Variants in AGBL1 observed in about 807,000 individuals in gnomAD.
AGBL1 encodes AGBL carboxypeptidase 1, also known as cytosolic carboxypeptidase 4.
AGBL1 carries 130 observed loss-of-function variants against 118.9 expected under a neutral mutation model. That is an observed-to-expected ratio of 1.09 (90% CI 0.95 to 1.26). The LOEUF (loss-of-function observed/expected upper bound fraction) is 1.26. AGBL1 is among the 50% of genes most tolerant of loss of function. AGBL1 has a pLI of 0.00. For missense variants in AGBL1, 1,584 were observed against 1,298.1 expected, an observed-to-expected ratio of 1.22 and a Z score of -3.38; for synonymous variants, 555 against 478.9, an observed-to-expected ratio of 1.16 and a Z score of -2.08.
chr15:86,489,791 T>A lies in AGBL1; in HGVS notation c.2556-33019T>A, dbSNP rs1398282086. On this transcript the variant is annotated intron_variant, in intron 18 of 22. Coordinates refer to ENST00000614907, the MANE Select transcript of AGBL1 (RefSeq NM_001386094.1). ...AAAGTTTGCTGACCTCTGGTCTAGATGATTAAGAGACATTCGTTCAGCAGG... is the reference window on the plus strand; with the variant it reads ...AAAGTTTGCTGACCTCTGGTCTAGAAGATTAAGAGACATTCGTTCAGCAGG... Among the ~76,000 whole-genome samples, 4 of 152,122 alleles carry A rather than the reference T, an allele frequency of 2.6e-5. No homozygotes were observed. In the East Asian group the frequency reaches 7.7e-4, roughly 29 times the overall value.
chr15:86,629,536 A>G lies in AGBL1; in HGVS notation c.2995-44737A>G, dbSNP rs367866073. Among the ~76,000 whole-genome samples, 146 of 152,230 alleles carry G rather than the reference A, an allele frequency of 9.6e-4. 1 individual carries two copies. Among genetic ancestry groups the G allele is most frequent in the Non-Finnish European group, 1.8e-3 (121 of 68,038 alleles). ...CCCACACATTCAGAATAAGAATAAA[A>G]TAACGCACCCTTTGAATCATACATA... On this transcript the variant is annotated intron_variant, in intron 21 of 22. Transcript: ENST00000614907.
chr15:86,416,150 C>T (rs1328980347), intron 18 of AGBL1, among the ~76,000 whole-genome samples: 7 of 152,088 alleles, frequency 4.6e-5, no homozygotes, highest in African/African-American at 1.7e-4. Context: ...AAACAAAATT[C>T]AGTCCAGGCC....
intron 18 of AGBL1, among the ~76,000 whole-genome samples, chr15:86,481,697 A>G (rs974127222): frequency 6.6e-6 from 1 of 152,090 alleles, no homozygotes; most frequent in Admixed American, 6.6e-5. Flanking sequence ...ATTAATTCCT[A>G]TAATGGAATG....
rs553213562 is a variant in AGBL1, at chr15:86,688,119, C to T, written c.3158+13683C>T. On this transcript the variant is annotated intron_variant, in intron 22 of 22. Transcript: ENST00000614907. The stretch of plus-strand genomic sequence containing the variant: ...GCCAGGAGAAACAACAAGCGCATGT[C>T]GTTGTTTCATGTATGAATGCAGCTA... 1.4e-4 allele frequency among the ~76,000 whole-genome samples: 22 copies of T among 152,224 alleles called. No homozygotes were observed. In the East Asian group the frequency reaches 3.3e-3, roughly 23 times the overall value.
chr15:86,161,288 T>C (rs899216175), intron 5 of AGBL1, among the ~76,000 whole-genome samples: 9 of 152,256 alleles, frequency 5.9e-5, no homozygotes, highest in African/African-American at 1.9e-4. Context: ...AATATAGCTG[T>C]CATTGGCATG....
At chr15:86,708,542 G>A (rs1313207834) in intron 22 of AGBL1, among the ~76,000 whole-genome samples, 1 of 152,166 alleles carries the variant, frequency 6.6e-6, no homozygotes, top group East Asian at 1.9e-4. Flanking sequence ...ACCGCAGCCT[G>A]AGCAGTCTAA....
chr15:86,655,120 C>G (rs1023200826), intron 21 of AGBL1, among the ~76,000 whole-genome samples: 2 of 152,156 alleles, frequency 1.3e-5, no homozygotes, highest in Non-Finnish European at 2.9e-5. Context: ...CCAGATGCAT[C>G]TGGTGGGACA....
At chr15:86,720,500 G>T (rs1212027369) in intron 22 of AGBL1, among the ~76,000 whole-genome samples, 1 of 152,180 alleles carries the variant, frequency 6.6e-6, no homozygotes, top group Non-Finnish European at 1.5e-5. Flanking sequence ...ACTTATGGAA[G>T]GAATTTACTT....
chr15:86,426,643 G>A (rs923911069), intron 18 of AGBL1, among the ~76,000 whole-genome samples: 1 of 152,210 alleles, frequency 6.6e-6, no homozygotes, highest in African/African-American at 2.4e-5. Flanking sequence ...AGGCTGTTCT[G>A]CTGTAAGAAT....
chr15:86,218,127 T>C (rs1363118821), intron 5 of AGBL1, among the ~76,000 whole-genome samples: 3 of 152,188 alleles, frequency 2.0e-5, no homozygotes, highest in Non-Finnish European at 4.4e-5. Flanking sequence ...GACCAATAGC[T>C]CTAGAAATTA....
intron 21 of AGBL1, among the ~76,000 whole-genome samples, chr15:86,594,507 C>A (rs2084380603): frequency 6.6e-6 from 1 of 152,112 alleles, no homozygotes; most frequent in Non-Finnish European, 1.5e-5. Flanking sequence ...TACTAGAATT[C>A]ACCAGTGAAG....
chr15:86,607,303 C>T (rs188151189), intron 21 of AGBL1, among the ~76,000 whole-genome samples: 1 of 152,176 alleles, frequency 6.6e-6, no homozygotes, highest in Non-Finnish European at 1.5e-5. Context: ...CTATTTCAAG[C>T]CCTTTTTACT....
intron 21 of AGBL1, among the ~76,000 whole-genome samples, chr15:86,558,525 C>T (rs2083769074): frequency 6.6e-6 from 1 of 152,222 alleles, no homozygotes; most frequent in Admixed American, 6.5e-5. Flanking sequence ...GGTATTGTTA[C>T]AGCAAGCACT....
At chr15:86,147,630 A>G (rs2077050633) in intron 3 of AGBL1, among the ~76,000 whole-genome samples, 1 of 152,218 alleles carries the variant, frequency 6.6e-6, no homozygotes, top group Non-Finnish European at 1.5e-5. Context: ...AGAGCCCACC[A>G]TAGCTCTTCA....
At chr15:86,115,190 T>C (rs1338850646) in intron 1 of AGBL1, among the ~76,000 whole-genome samples, 1 of 152,198 alleles carries the variant, frequency 6.6e-6, no homozygotes, top group Non-Finnish European at 1.5e-5. Context: ...TAGGTAGCAT[T>C]GTGACATCCA....
At position 86,911,098 on chromosome 15, in the gene AGBL1, G is replaced by A. The variant is rs568573425; in HGVS notation, c.*3804G>A. On this transcript the variant is annotated 3_prime_UTR_variant, in exon 23 of 23. Transcript: ENST00000614907. ...GACCCAAGAATTCCAAGGAGTTGTA[G>A]GCCATAATGGGAAGCAAATGTGGTC... 3.3e-5 allele frequency: 5 copies of A among 152,556 alleles called. No homozygotes were observed. In the East Asian group the frequency reaches 5.8e-4, roughly 18 times the overall value. 9.5% of individuals were successfully genotyped at this position (152,556 alleles called of 1,614,324 possible). A position where few individuals can be genotyped will look rare whatever the true frequency, so the allele number is the denominator to read the frequency against.
chr15:86,852,847 G>T (rs2079426283), intron 22 of AGBL1, among the ~76,000 whole-genome samples: 1 of 152,178 alleles, frequency 6.6e-6, no homozygotes, highest in African/African-American at 2.4e-5. Context: ...TCTCAGGCCT[G>T]GTTGCATATT....
intron 4 of AGBL1, among the ~76,000 whole-genome samples, chr15:86,154,994 C>T (rs1213542549): frequency 6.6e-6 from 1 of 152,166 alleles, no homozygotes; most frequent in Non-Finnish European, 1.5e-5. Context: ...TTGATTACAA[C>T]ATCCCTTACC....
chr15:86,791,877 A>T (rs950821301), intron 22 of AGBL1, among the ~76,000 whole-genome samples: 5 of 151,858 alleles, frequency 3.3e-5, no homozygotes, highest in African/African-American at 9.7e-5. Context: ...GCTGGGATTA[A>T]AGGTGTGTGC....
Sources: allele counts gnomAD v4.1 joint callset (sites outside exome capture counted in the v4.1 genomes callset), GRCh38; gene constraint gnomAD v4.1.1; transcripts MANE v1.5; gene names NCBI Gene and HGNC (gene_info 2026-07-23, HGNC 2026-07-21).